Variants in STAU2 observed in about 807,000 individuals in gnomAD.
The protein encoded by STAU2 is double-stranded RNA-binding protein Staufen homolog 2.
A neutral mutation model predicts 65.9 loss-of-function variants in STAU2; 20 were observed. That is an observed-to-expected ratio of 0.30 (90% CI 0.21 to 0.44). STAU2 has a LOEUF of 0.44. Among genes scored for constraint, STAU2 ranks in the 20% least tolerant of loss-of-function variants. The pLI, the probability that STAU2 is intolerant of heterozygous loss-of-function variation, is 1.00. For synonymous variants in STAU2, 232 were observed against 233.9 expected (o/e 0.99, Z 0.07); for missense variants, 558 against 683.9 (o/e 0.82, Z 2.05).
intron 6 of STAU2, among the ~76,000 whole-genome samples, chr8:73,624,071 C>T (rs934224656): frequency 6.6e-6 from 1 of 151,878 alleles, no homozygotes; most frequent in African/African-American, 2.4e-5. Flanking sequence ...GAAATGATAG[C>T]ATTATAAATG....
rs539856610 is a variant in STAU2, at chr8:73,539,848, CAAAA to C, written c.1530+12160_1530+12163del. 4.5e-3 allele frequency among the ~76,000 whole-genome samples: 391 copies of C among 87,064 alleles called. 3 individuals are homozygous for C. Among genetic ancestry groups the C allele is most frequent in the African/African-American group, 0.015 (359 of 23,636 alleles). 57.1% of individuals were successfully genotyped at this position (87,064 alleles called of 152,430 possible). Reference sequence around the variant, plus strand: ...GACAGAGTGAAATTCCATCCCCATCCAAAAAAAAAAAAAAAAATTGTACAATCTG... The same window carrying C: ...GACAGAGTGAAATTCCATCCCCATCCAAAAAAAAAAAAATTGTACAATCTG... On this transcript the variant is annotated intron_variant, in intron 13 of 14. Coordinates refer to ENST00000524300, the MANE Select transcript of STAU2 (RefSeq NM_001164380.2).
intron 3 of STAU2, among the ~76,000 whole-genome samples, chr8:73,712,335 G>A (rs1206533292): frequency 1.2e-4 from 18 of 152,154 alleles, no homozygotes; most frequent in Non-Finnish European, 2.5e-4. Context: ...ATGGTTAAGA[G>A]CCTGTTTTGG....
intron 4 of STAU2, among the ~76,000 whole-genome samples, chr8:73,698,278 A>G (rs575830864): frequency 2.0e-5 from 3 of 152,142 alleles, no homozygotes; most frequent in Non-Finnish European, 2.9e-5. Context: ...CAGAAAACAA[A>G]TAACAAAATG....
At chr8:73,676,409 C>T (rs563724436) in intron 5 of STAU2, among the ~76,000 whole-genome samples, 21 of 152,242 alleles carry the variant, frequency 1.4e-4, no homozygotes, top group East Asian at 1.9e-4. Context: ...ACATTAAACT[C>T]GATTCCTGAC....
At chr8:73,657,239 A>G (rs989725837) in intron 6 of STAU2, among the ~76,000 whole-genome samples, 2 of 152,256 alleles carry the variant, frequency 1.3e-5, no homozygotes, top group Non-Finnish European at 2.9e-5. Flanking sequence ...ATGTGTGTAC[A>G]TATGATCCTC....
At chr8:73,505,812 A>G (rs1822029016) in intron 13 of STAU2, among the ~76,000 whole-genome samples, 2 of 152,028 alleles carry the variant, frequency 1.3e-5, no homozygotes, top group Admixed American at 1.3e-4. Flanking sequence ...GCTGGAAGTG[A>G]GGCCTGGCAG....
chr8:73,736,637 A>G (rs1806450104), intron 3 of STAU2, among the ~76,000 whole-genome samples: 1 of 152,226 alleles, frequency 6.6e-6, no homozygotes, highest in Admixed American at 6.5e-5. Flanking sequence ...CGGTCCAGTA[A>G]AACTGAAGCA....
chr8:73,574,236 A>G (rs897810834), intron 12 of STAU2, among the ~76,000 whole-genome samples: 1 of 152,124 alleles, frequency 6.6e-6, no homozygotes, highest in Non-Finnish European at 1.5e-5. Flanking sequence ...GAATGGCGAT[A>G]ATTAAAAAGT....
chr8:73,430,715 C>A (rs1817206151), intron 13 of STAU2, among the ~76,000 whole-genome samples: 1 of 152,200 alleles, frequency 6.6e-6, no homozygotes, highest in African/African-American at 2.4e-5. Context: ...TACTACATAC[C>A]TCCAAACCTG....
rs368244144 is a variant in STAU2 at position 73,515,833 on chromosome 8, A to G, written c.1530+36179T>C. 8.6e-5 allele frequency among the ~76,000 whole-genome samples: 12 copies of G among 140,110 alleles called. No homozygotes were observed. In the South Asian group the frequency reaches 2.7e-3, roughly 32 times the overall value. The allele number at this position is 140,110 out of a possible 152,430, so 91.9% of individuals were successfully genotyped here. On this transcript the variant is annotated intron_variant, in intron 13 of 14. Coordinates refer to ENST00000524300, the MANE Select transcript of STAU2 (RefSeq NM_001164380.2). ...GTCTCACTCTGTCACCCAGGCTGGA[A>G]AGCAGTGGTGGCTCACTGCAACCTC...
At chr8:73,481,086 T>G (rs1820587765) in intron 13 of STAU2, among the ~76,000 whole-genome samples, 1 of 152,162 alleles carries the variant, frequency 6.6e-6, no homozygotes, top group Non-Finnish European at 1.5e-5. Flanking sequence ...CCTGCCAGGT[T>G]AAGAAATAGA....
intron 3 of STAU2, among the ~76,000 whole-genome samples, chr8:73,718,749 T>C (rs1821432847): frequency 1.3e-5 from 2 of 152,266 alleles, no homozygotes; most frequent in Admixed American, 6.5e-5. Flanking sequence ...TCATTTTCTT[T>C]AACATATTTT....
chr8:73,621,833 A>C (rs1040944403), intron 6 of STAU2, among the ~76,000 whole-genome samples: 5 of 152,204 alleles, frequency 3.3e-5, no homozygotes, highest in Non-Finnish European at 5.9e-5. Context: ...CTGCACGATA[A>C]AGGTCCAGGA....
chr8:73,622,966 T>C (rs913042008), intron 6 of STAU2, among the ~76,000 whole-genome samples: 1 of 152,220 alleles, frequency 6.6e-6, no homozygotes, highest in African/African-American at 2.4e-5. Context: ...AATAAAATTG[T>C]AAATAAAATA....
chr8:73,684,739 C>A (rs1818673432), intron 5 of STAU2, among the ~76,000 whole-genome samples: 1 of 152,036 alleles, frequency 6.6e-6, no homozygotes, highest in Admixed American at 6.6e-5. Flanking sequence ...CCAGAATCTA[C>A]AAGGAACTCA....
chr8:73,686,869 C>A lies in STAU2; in HGVS notation c.274+1785G>T, dbSNP rs139256357. On this transcript the variant is annotated intron_variant, in intron 5 of 14. Coordinates refer to ENST00000524300, the MANE Select transcript of STAU2 (RefSeq NM_001164380.2). ...CAGTATTTTACATGCAGGTGGTTTG[C>A]GGAATTTGTGATGGGGTTTCTTTCT... Among the ~76,000 whole-genome samples the A allele has an allele frequency of 1.3e-4, 20 of 148,930 alleles. No homozygotes were observed. In the East Asian group the frequency reaches 3.9e-3, roughly 29 times the overall value.
At chr8:73,565,605 C>A (rs1017292749) in intron 12 of STAU2, among the ~76,000 whole-genome samples, 31 of 152,144 alleles carry the variant, frequency 2.0e-4, no homozygotes, top group Admixed American at 2.0e-3. Context: ...GGAAGTACTG[C>A]TTACAATTTT....
Position 73,421,318 on chromosome 8 carries a change from T to G in STAU2, c.*54A>C. 1 of 1,450,244 alleles carries G rather than the reference T, an allele frequency of 6.9e-7. No homozygotes were observed. The highest frequency in any genetic ancestry group is 9.4e-7 in the Non-Finnish European group (1 of 1,068,070). The allele number at this position is 1,450,244 out of a possible 1,614,324, so 89.8% of individuals were successfully genotyped here. On this transcript the variant is annotated 3_prime_UTR_variant, in exon 15 of 15. Transcript: ENST00000524300. ...ATTTCCCTGAACACAGACACCCTCA[T>G]GCGTGCTGACAGGTTTATAAGGATG...
intron 13 of STAU2, among the ~76,000 whole-genome samples, chr8:73,484,525 C>T (rs920032677): frequency 6.6e-6 from 1 of 151,936 alleles, no homozygotes; most frequent in Non-Finnish European, 1.5e-5. Flanking sequence ...TTCTATGATA[C>T]GATTTACTAT....
Sources: allele counts gnomAD v4.1 joint callset (sites outside exome capture counted in the v4.1 genomes callset), GRCh38; gene constraint gnomAD v4.1.1; transcripts MANE v1.5; gene names NCBI Gene and HGNC (gene_info 2026-07-23, HGNC 2026-07-21).